The following IARS1 variants were observed in gnomAD, a reference collection of about 807,000 sequenced individuals.
IARS1 encodes the protein isoleucine--tRNA ligase, cytoplasmic.
In IARS1, 124 loss-of-function variants were observed where a neutral mutation model predicts 168.2. The observed-to-expected ratio is 0.74, with a 90% CI of 0.64 to 0.86. IARS1 has a LOEUF of 0.86. Among genes scored for constraint, IARS1 ranks in the 40% least tolerant of loss-of-function variants. The pLI is 0.00. For missense variants in IARS1, 1,452 were observed against 1,515.8 expected (o/e 0.96, Z 0.70); for synonymous variants, 532 against 529.4 (o/e 1.00, Z -0.07).
intron 30 of IARS1, among the ~76,000 whole-genome samples, chr9:92,235,307 A>G (rs968094005): frequency 1.8e-4 from 28 of 152,124 alleles, no homozygotes; most frequent in African/African-American, 6.8e-4. Flanking sequence ...TTTAGGTAGA[A>G]AGAATTCAGG....
intron 10 of IARS1, among the ~76,000 whole-genome samples, chr9:92,272,427 G>A (rs1166372027): frequency 6.6e-6 from 1 of 152,192 alleles, no homozygotes; most frequent in East Asian, 1.9e-4. Flanking sequence ...ATTAAGCTAA[G>A]AGCAGCATTC....
intron 17 of IARS1, among the ~76,000 whole-genome samples, chr9:92,260,897 G>C (rs1831432122): frequency 6.6e-6 from 1 of 152,198 alleles, no homozygotes. Flanking sequence ...TGTCCTTCAA[G>C]AGGTGGATGA....
At chr9:92,280,711 C>T in intron 7 of IARS1, 35 bp downstream of exon 7, 1 of 1,415,276 alleles carries the variant, frequency 7.1e-7, no homozygotes, top group Non-Finnish European at 9.7e-7. Flanking sequence ...ATTATCTTAT[C>T]CATATTAATC....
intron 33 of IARS1, among the ~76,000 whole-genome samples, chr9:92,219,568 A>C (rs1839336268): frequency 6.6e-6 from 1 of 151,700 alleles, no homozygotes; most frequent in South Asian, 2.1e-4. Flanking sequence ...AAACAAATTT[A>C]CAAGAAAAAA....
In IARS1 at chr9:92,244,983, T is replaced by C; in HGVS notation, c.2880A>G (p.Gln960=). ...CCTGAGCATCTGAGTGTGCTTCAAA[T>C]TGCGCAGTCCCACCTGTGGCCTGAT... ...TFDQATGGTA[Q]FEAHSDAQAL... Residue 960 remains glutamine (Q), a synonymous_variant, in exon 27 of 34, where the codon CAA becomes CAG. Transcript: ENST00000443024. The C allele has an allele frequency of 6.2e-7, 1 of 1,614,124 alleles. No individual in the cohort carries two copies. Among genetic ancestry groups the C allele is most frequent in the Non-Finnish European group, 8.5e-7 (1 of 1,179,954 alleles).
At chr9:92,278,363 C>A in intron 7 of IARS1, 77 bp from the exon 8 acceptor site, 1 of 990,994 alleles carries the variant, frequency 1.0e-6, no homozygotes, top group South Asian at 1.3e-5. Context: ...ATCAAGCATA[C>A]TTTTGTCCTG....
Position 92,222,680 on chromosome 9 carries a change from A to C in IARS1, c.3554-8T>G, listed in dbSNP as rs879055221. On this transcript the variant is annotated splice_region_variant and splice_polypyrimidine_tract_variant and intron_variant, in intron 32 of 33. Transcript: ENST00000443024. ...CTGTCCCCATTAAACACTCTGTGGA[A>C]GACAGAACAAACTGGATTAAATCTC... 6.2e-7 allele frequency: 1 copy of C among 1,613,500 alleles called. No individual in the cohort carries two copies. The highest frequency in any genetic ancestry group is 8.5e-7 in the Non-Finnish European group (1 of 1,179,760).
At chr9:92,250,594 T>C in intron 23 of IARS1, 119 bp downstream of exon 23, 1 of 1,161,548 alleles carries the variant, frequency 8.6e-7, no homozygotes, top group Non-Finnish European at 1.2e-6. Flanking sequence ...TCATGTCAGC[T>C]GGGGCGGGAG....
chr9:92,280,792 G>C lies in IARS1; in HGVS notation c.699C>G (p.Asn233Lys). Residue 233 changes from asparagine to lysine, a missense_variant, in exon 7 of 34, where the codon AAC becomes AAG. Coordinates refer to ENST00000443024, the MANE Select transcript of IARS1 (RefSeq NM_002161.6). ...TTTCTGGATTAACACACACAGCAAG[G>C]TTACTAGGTAGAGTCCAGGGAGTGG... ...WTTTPWTLPS[N>K]LAVCVNPEMQ... 6.2e-7 allele frequency: 1 copy of C among 1,612,742 alleles called. No individual in the cohort carries two copies. The highest frequency in any genetic ancestry group is 1.1e-5 in the South Asian group (1 of 90,970).
At chr9:92,285,040 T>C (rs1422590293) in intron 6 of IARS1, among the ~76,000 whole-genome samples, 1 of 152,188 alleles carries the variant, frequency 6.6e-6, no homozygotes, top group Non-Finnish European at 1.5e-5. Flanking sequence ...ATTTTACTAA[T>C]GTAATTTTCA....
chr9:92,243,606 G>C (rs997214246), intron 27 of IARS1, among the ~76,000 whole-genome samples: 7 of 152,104 alleles, frequency 4.6e-5, no homozygotes, highest in African/African-American at 1.7e-4. Context: ...ACATGACTCT[G>C]CTTTTTGGCC....
At chr9:92,292,100 T>A (rs1246081023) in intron 1 of IARS1, among the ~76,000 whole-genome samples, 1 of 151,056 alleles carries the variant, frequency 6.6e-6, no homozygotes, top group East Asian at 1.9e-4. Flanking sequence ...CACTGCAGCC[T>A]TGACCTCCCT....
chr9:92,286,491 A>G (rs1389113338), intron 5 of IARS1, 45 bp downstream of exon 5: 2 of 1,046,048 alleles, frequency 1.9e-6, no homozygotes, highest in South Asian at 2.7e-5. Context: ...TATCAATACA[A>G]CAGAATAGAA....
intron 11 of IARS1, 105 bp downstream of exon 11, chr9:92,271,428 A>T (rs1286597625): frequency 1.4e-6 from 2 of 1,451,914 alleles, no homozygotes; most frequent in Admixed American, 3.5e-5. Context: ...CGATGACAAA[A>T]CCAAATAAAA....
Position 92,210,714 on chromosome 9 carries a change from T to C in IARS1, c.*93A>G. 2 of 761,834 alleles carry C rather than the reference T, an allele frequency of 2.6e-6. No homozygotes were observed. The highest frequency in any genetic ancestry group is 3.0e-5 in the South Asian group (2 of 65,838). 47.2% of individuals were successfully genotyped at this position (761,834 alleles called of 1,614,324 possible). ...TTACACACACCTGAAGGAAATATCTTCAGTGTGTTCATGTGTGTGTCTATG... is the reference window on the plus strand; with the variant it reads ...TTACACACACCTGAAGGAAATATCTCCAGTGTGTTCATGTGTGTGTCTATG... On this transcript the variant is annotated 3_prime_UTR_variant, in exon 34 of 34. Transcript: ENST00000443024.
At position 92,277,881 on chromosome 9, in the gene IARS1, C is replaced by A; in HGVS notation, c.876G>T (p.Leu292=). ...AYLKGKKYRP[L]FDYFLKCKEN... is the part of the protein sequence containing the mutation. ...AGCTTACCTTCAGGAAATAGTCAAACAGGGGCCTGTACTTCTTGCCTTTAA... is the reference window on the plus strand; with the variant it reads ...AGCTTACCTTCAGGAAATAGTCAAAAAGGGGCCTGTACTTCTTGCCTTTAA... Residue 292 remains leucine (L), a synonymous_variant, in exon 9 of 34, where the codon CTG becomes CTT. Coordinates refer to ENST00000443024, the MANE Select transcript of IARS1 (RefSeq NM_002161.6). 6.2e-7 allele frequency: 1 copy of A among 1,613,876 alleles called. No individual in the cohort carries two copies. Among genetic ancestry groups the A allele is most frequent in the Non-Finnish European group, 8.5e-7 (1 of 1,179,910 alleles).
intron 21 of IARS1, among the ~76,000 whole-genome samples, chr9:92,252,764 C>CAAAAA (rs34983021): frequency 0.033 from 901 of 27,252 alleles, 253 homozygotes; most frequent in African/African-American, 0.068. Context: ...AACTCCTTCT[C>CAAAAA]AAAAAAAAAA....
chr9:92,285,470 G>A (rs1191199128), intron 6 of IARS1, among the ~76,000 whole-genome samples: 2 of 152,068 alleles, frequency 1.3e-5, no homozygotes, highest in African/African-American at 4.8e-5. Flanking sequence ...CAAAAATATG[G>A]TCAAAACAAG....
At chr9:92,260,881 C>T (rs1048320130) in intron 17 of IARS1, among the ~76,000 whole-genome samples, 16 of 152,058 alleles carry the variant, frequency 1.1e-4, no homozygotes, top group Admixed American at 5.2e-4. Flanking sequence ...TTAGAAGCAA[C>T]CCAGATGTCC....
Sources: gnomAD v4.1 joint callset for allele counts (sites outside exome capture counted in the v4.1 genomes callset) on GRCh38, gnomAD v4.1.1 for gene constraint, MANE v1.5 for transcripts, NCBI Gene and HGNC (gene_info 2026-07-23, HGNC 2026-07-21) for gene names.